ROBO2: variants seen among roughly 807,000 people sequenced by gnomAD.
ROBO2 encodes roundabout guidance receptor 2, also known as roundabout homolog 2.
In ROBO2, 53 loss-of-function variants were observed where a neutral mutation model predicts 160.8. The observed-to-expected ratio is 0.33, with a 90% CI of 0.26 to 0.41. The LOEUF is 0.41. Ranked by LOEUF, ROBO2 falls within the 10% of genes least tolerant of loss-of-function variation. ROBO2 has a pLI of 1.00. For synonymous variants in ROBO2, 664 were observed against 611.7 expected (o/e 1.09, Z -1.26); for missense variants, 1,577 against 1,722.4 (o/e 0.92, Z 1.49).
At chr3:77,602,545 G>C in intron 20 of ROBO2, 54 bp downstream of exon 21, 2 of 1,588,334 alleles carry the variant, frequency 1.3e-6, no homozygotes, top group Non-Finnish European at 1.7e-6. Context: ...TTGTGCATGA[G>C]ATAGAAATTA....
chr3:76,305,599 A>C (rs2071305797), intron 2 of ROBO2, among the ~76,000 whole-genome samples: 1 of 151,372 alleles, frequency 6.6e-6, no homozygotes, highest in Non-Finnish European at 1.5e-5. Flanking sequence ...TCTCTGCTAA[A>C]AATACAAAAA....
In ROBO2 at chr3:76,272,642, G is replaced by A. The variant is rs573525180; in HGVS notation, c.109+335040G>A. Among the ~76,000 whole-genome samples, 510 of 91,322 alleles carry A rather than the reference G, an allele frequency of 5.6e-3. 3 individuals are homozygous for A. Among genetic ancestry groups the A allele is most frequent in the Non-Finnish European group, 0.011 (387 of 35,906 alleles). The allele number at this position is 91,322 out of a possible 152,430, so 59.9% of individuals were successfully genotyped here. ...CATGCCAGTGCACTCCAGCCTGGGCGAAAGAGCGAGACCCTGTCTAAAATA... is the reference window on the plus strand; with the variant it reads ...CATGCCAGTGCACTCCAGCCTGGGCAAAAGAGCGAGACCCTGTCTAAAATA... On this transcript the variant is annotated intron_variant, in intron 2 of 26. Transcript: ENST00000487694.
intron 2 of ROBO2, among the ~76,000 whole-genome samples, chr3:76,470,018 C>A (rs1275620394): frequency 6.6e-6 from 1 of 152,094 alleles, no homozygotes; most frequent in African/African-American, 2.4e-5. Context: ...TTACCATTCC[C>A]TCTACACACA....
chr3:77,035,664 C>T (rs991693007), upstream of ROBO2, among the ~76,000 whole-genome samples: 4 of 151,766 alleles, frequency 2.6e-5, no homozygotes, highest in East Asian at 1.9e-4. Context: ...CAAAATGAAT[C>T]GAATCAAATC....
At chr3:76,254,684 T>C (rs1706245935) in intron 2 of ROBO2, among the ~76,000 whole-genome samples, 1 of 151,832 alleles carries the variant, frequency 6.6e-6, no homozygotes, top group Non-Finnish European at 1.5e-5. Flanking sequence ...ACTGTGGTGG[T>C]AGATACATGA....
chr3:75,940,025 G>T (rs968845004), intron 2 of ROBO2, among the ~76,000 whole-genome samples: 2 of 152,092 alleles, frequency 1.3e-5, no homozygotes, highest in Admixed American at 1.3e-4. Context: ...GCATGCAAAT[G>T]TTATAAGATT....
At chr3:76,264,876 C>T (rs552349595) in intron 2 of ROBO2, among the ~76,000 whole-genome samples, 36 of 152,260 alleles carry the variant, frequency 2.4e-4, no homozygotes, top group African/African-American at 8.7e-4. Flanking sequence ...AAGCTGGCCA[C>T]ATTTGTTGCC....
chr3:76,790,657 A>G (rs746154930), intron 2 of ROBO2, among the ~76,000 whole-genome samples: 25 of 151,762 alleles, frequency 1.6e-4, no homozygotes, highest in Non-Finnish European at 3.2e-4. Context: ...TATCAACTAC[A>G]TCGCATTTCC....
chr3:76,709,341 C>T lies in ROBO2; in HGVS notation c.110-388673C>T, dbSNP rs115624000. ...TCCATGTTTTTTGAGGCTGTGCCTTCATACTTGCCACCTCATTGTTCTTAC... is the reference window on the plus strand; with the variant it reads ...TCCATGTTTTTTGAGGCTGTGCCTTTATACTTGCCACCTCATTGTTCTTAC... On this transcript the variant is annotated intron_variant, in intron 2 of 26. Coordinates refer to the ROBO2 transcript ENST00000487694. Among the ~76,000 whole-genome samples, 1,289 of 152,320 alleles carry T rather than the reference C, an allele frequency of 8.5e-3. 16 individuals are homozygous for T. The highest frequency in any genetic ancestry group is 0.029 in the African/African-American group (1,222 of 41,570).
chr3:76,060,565 C>A (rs1168192553), intron 2 of ROBO2, among the ~76,000 whole-genome samples: 1 of 152,180 alleles, frequency 6.6e-6, no homozygotes, highest in African/African-American at 2.4e-5. Flanking sequence ...TGAAGGCTGG[C>A]AGCAATTTCT....
chr3:76,075,650 T>G (rs1337108633), intron 2 of ROBO2, among the ~76,000 whole-genome samples: 7 of 152,178 alleles, frequency 4.6e-5, no homozygotes, highest in Non-Finnish European at 1.0e-4. Context: ...CGCTGTAGTA[T>G]CCCAATAGCG....
At chr3:76,370,241 A>G (rs1283123212) in intron 2 of ROBO2, among the ~76,000 whole-genome samples, 1 of 151,898 alleles carries the variant, frequency 6.6e-6, no homozygotes, top group East Asian at 1.9e-4. Flanking sequence ...TTGTGGGCCA[A>G]AAAGATGATT....
At chr3:75,958,528 G>A (rs1022434608) in intron 2 of ROBO2, among the ~76,000 whole-genome samples, 2 of 151,694 alleles carry the variant, frequency 1.3e-5, no homozygotes, top group African/African-American at 4.8e-5. Flanking sequence ...GGATAAATAG[G>A]AGTTTGCTGG....
At chr3:76,087,527 T>C (rs1259798454) in intron 2 of ROBO2, among the ~76,000 whole-genome samples, 1 of 151,822 alleles carries the variant, frequency 6.6e-6, no homozygotes, top group Non-Finnish European at 1.5e-5. Context: ...AAAAAAAAAG[T>C]TATGTAGAAA....
At chr3:77,334,530 A>C (rs2066288690) in intron 2 of ROBO2, among the ~76,000 whole-genome samples, 1 of 152,194 alleles carries the variant, frequency 6.6e-6, no homozygotes, top group South Asian at 2.1e-4. Flanking sequence ...TCATTCATTC[A>C]TACATCACAT....
intron 2 of ROBO2, among the ~76,000 whole-genome samples, chr3:76,574,726 G>A (rs1325124323): frequency 2.0e-5 from 3 of 151,974 alleles, no homozygotes; most frequent in Non-Finnish European, 2.9e-5. Flanking sequence ...ATAGAACCGG[G>A]CTTCTCAAAC....
intron 2 of ROBO2, among the ~76,000 whole-genome samples, chr3:76,469,277 A>G (rs78287014): frequency 0.022 from 3,321 of 152,180 alleles, 114 homozygotes; most frequent in African/African-American, 0.074. Context: ...TTATTGACTT[A>G]TTGACTACTT....
intron 2 of ROBO2, among the ~76,000 whole-genome samples, chr3:76,333,850 G>T (rs1479713836): frequency 6.6e-6 from 1 of 152,166 alleles, no homozygotes; most frequent in Admixed American, 6.5e-5. Context: ...TAGGGACATG[G>T]ATGAAGCTGG....
chr3:76,171,151 G>T (rs1460655453), intron 2 of ROBO2, among the ~76,000 whole-genome samples: 1 of 151,940 alleles, frequency 6.6e-6, no homozygotes. Context: ...ACAGACACTT[G>T]CCCTTAAACT....
Sources: allele counts gnomAD v4.1 joint callset (sites outside exome capture counted in the v4.1 genomes callset), GRCh38; gene constraint gnomAD v4.1.1; transcripts MANE v1.5; gene names NCBI Gene and HGNC (gene_info 2026-07-23, HGNC 2026-07-21).